The following ATE1 variants were observed in gnomAD, a reference collection of about 807,000 sequenced individuals.
ATE1 encodes the protein arginyl-tRNA--protein transferase 1.
In ATE1, 36 loss-of-function variants were observed where a neutral mutation model predicts 70.5. That is an observed-to-expected ratio of 0.51 (90% CI 0.39 to 0.67). The LOEUF (loss-of-function observed/expected upper bound fraction) is 0.67, where lower values mean the gene tolerates loss of function less well. ATE1 is among the 30% of genes least tolerant of loss of function. The probability of loss-of-function intolerance (pLI) is 0.00; values close to 1 mark genes in which losing one functional copy is unlikely to be tolerated. For missense variants in ATE1, 593 were observed against 629.5 expected (o/e 0.94, Z 0.62); for synonymous variants, 232 against 219.3 (o/e 1.06, Z -0.51).
intron 9 of ATE1, among the ~76,000 whole-genome samples, chr10:121,839,845 C>T (rs763127966): frequency 1.3e-5 from 2 of 152,032 alleles, no homozygotes; most frequent in African/African-American, 2.4e-5. Flanking sequence ...CATTAAATTG[C>T]TGATTTAATG....
chr10:121,892,546 G>A (rs1249258800), intron 7 of ATE1, among the ~76,000 whole-genome samples: 2 of 139,640 alleles, frequency 1.4e-5, no homozygotes, highest in African/African-American at 2.7e-5. Flanking sequence ...TGTCGCCCTC[G>A]CCAAGGTTGG....
chr10:121,791,086 G>GCA (rs1946431195), intron 10 of ATE1, among the ~76,000 whole-genome samples: 1 of 125,574 alleles, frequency 8.0e-6, no homozygotes. Context: ...GTGTGTGTGT[G>GCA]TGTATATATA....
At position 121,741,715 on chromosome 10, in the gene ATE1, T is replaced by C. The variant is rs1409497726; in HGVS notation, c.*1965A>G. The C allele has an allele frequency of 1.3e-5, 2 of 152,228 alleles. No homozygotes were observed. Among genetic ancestry groups the C allele is most frequent in the Admixed American group, 6.5e-5 (1 of 15,286 alleles). 9.4% of individuals were successfully genotyped at this position (152,228 alleles called of 1,614,324 possible). A position where few individuals can be genotyped will look rare whatever the true frequency, so the allele number is the denominator to read the frequency against. On this transcript the variant is annotated 3_prime_UTR_variant, in exon 12 of 12. Transcript: ENST00000224652. Reference sequence around the variant, plus strand: ...ATAATGCAGAGATTACTTACTACACTTTCTGAAGCCTTATTTTGAAATTTA... The same window carrying C: ...ATAATGCAGAGATTACTTACTACACCTTCTGAAGCCTTATTTTGAAATTTA...
chr10:121,809,556 C>T (rs1331856244), intron 10 of ATE1, among the ~76,000 whole-genome samples: 4 of 151,976 alleles, frequency 2.6e-5, no homozygotes, highest in East Asian at 1.9e-4. Flanking sequence ...GCGAGTGCAC[C>T]GCAGCTACTG....
At chr10:121,883,209 TA>T (rs1385490549) in intron 7 of ATE1, among the ~76,000 whole-genome samples, 4 of 152,152 alleles carry the variant, frequency 2.6e-5, no homozygotes, top group African/African-American at 9.7e-5. Flanking sequence ...ACCTTCTGTA[TA>T]ATTTACTGAT....
intron 7 of ATE1, among the ~76,000 whole-genome samples, chr10:121,888,011 G>A (rs1374369591): frequency 1.3e-5 from 2 of 152,136 alleles, no homozygotes; most frequent in Non-Finnish European, 2.9e-5. Flanking sequence ...TGGGAAAGAG[G>A]TTATTCCTCC....
intron 8 of ATE1, among the ~76,000 whole-genome samples, chr10:121,863,960 C>T (rs1200416170): frequency 6.6e-6 from 1 of 152,174 alleles, no homozygotes; most frequent in Admixed American, 6.5e-5. Context: ...TACTTTTAAC[C>T]TATCCATGTC....
At chr10:121,928,294 G>A (rs1952189485), upstream of ATE1, 3 of 1,496,806 alleles carry the variant, frequency 2.0e-6, no homozygotes, top group South Asian at 2.5e-5. Flanking sequence ...CCCCCGCCGA[G>A]GGCCTGTGCG....
chr10:121,881,669 TAAAAAA>T (rs11309013), intron 7 of ATE1, among the ~76,000 whole-genome samples: 1 of 125,604 alleles, frequency 8.0e-6, no homozygotes, highest in African/African-American at 3.0e-5. Context: ...TCCTGTCTCT[TAAAAAA>T]AAAAAAAAAA....
intron 8 of ATE1, among the ~76,000 whole-genome samples, chr10:121,869,623 C>T (rs890681962): frequency 1.3e-5 from 2 of 152,128 alleles, no homozygotes; most frequent in Admixed American, 1.3e-4. Flanking sequence ...CAGCCTTTGC[C>T]TCTGATTTTT....
chr10:121,793,619 G>A (rs1239237140), intron 10 of ATE1, among the ~76,000 whole-genome samples: 30 of 152,088 alleles, frequency 2.0e-4, no homozygotes, highest in Admixed American at 2.0e-3. Flanking sequence ...TATATTTAGA[G>A]GAATTTGCAT....
chr10:121,926,393 A>T (rs1021346735), intron 1 of ATE1, among the ~76,000 whole-genome samples: 1 of 152,130 alleles, frequency 6.6e-6, no homozygotes, highest in Non-Finnish European at 1.5e-5. Context: ...CCTCAATTTC[A>T]TCATCTGTAA....
At position 121,827,209 on chromosome 10, in the gene ATE1, T is replaced by C. The variant is rs528355342; in HGVS notation, c.1257+9509A>G. The stretch of plus-strand genomic sequence containing the variant: ...TTGTACTTTTAGTAGAGACGGGGTT[T>C]CACCATGTTGGCCAGGATGGTCTCA... On this transcript the variant is annotated intron_variant, in intron 10 of 11. Coordinates refer to ENST00000224652, the MANE Select transcript of ATE1 (RefSeq NM_001001976.3). Among the ~76,000 whole-genome samples, 323 of 152,262 alleles carry C rather than the reference T, an allele frequency of 2.1e-3. 2 individuals are homozygous for C. Among genetic ancestry groups the C allele is most frequent in the African/African-American group, 7.5e-3 (313 of 41,558 alleles).
upstream of ATE1, chr10:121,928,291 C>T (rs1952189358): frequency 2.0e-6 from 3 of 1,492,612 alleles, no homozygotes; most frequent in Admixed American, 2.3e-5. Flanking sequence ...TTTCCCCCGC[C>T]GAGGGCCTGT....
At chr10:121,887,426 C>T (rs12268872) in intron 7 of ATE1, among the ~76,000 whole-genome samples, 20,067 of 152,152 alleles carry the variant, frequency 0.13, 1,528 homozygotes, top group East Asian at 0.19. Context: ...AAAAACATTA[C>T]AGGCTGGGCA....
chr10:121,768,860 C>G (rs1414291338), intron 11 of ATE1, among the ~76,000 whole-genome samples: 1 of 151,916 alleles, frequency 6.6e-6, no homozygotes, highest in Non-Finnish European at 1.5e-5. Context: ...AGTTTGTCAA[C>G]TTACATGCTG....
intron 8 of ATE1, among the ~76,000 whole-genome samples, chr10:121,848,073 AAAT>A (rs1175821158): frequency 6.6e-6 from 1 of 152,080 alleles, no homozygotes; most frequent in Non-Finnish European, 1.5e-5. Context: ...TCCATCTAAA[AAAT>A]AATAATAATA....
chr10:121,837,101 T>C (rs1458528900), intron 9 of ATE1, among the ~76,000 whole-genome samples: 1 of 152,234 alleles, frequency 6.6e-6, no homozygotes, highest in African/African-American at 2.4e-5. Context: ...TAAAGAGATC[T>C]ACAGTGTCCT....
At chr10:121,788,098 G>C (rs1290369930) in intron 11 of ATE1, among the ~76,000 whole-genome samples, 4 of 152,166 alleles carry the variant, frequency 2.6e-5, no homozygotes, top group Non-Finnish European at 5.9e-5. Context: ...ATAGGGACTA[G>C]ACTGACTGAC....
Sources: gnomAD v4.1 joint callset for allele counts (sites outside exome capture counted in the v4.1 genomes callset) on GRCh38, gnomAD v4.1.1 for gene constraint, MANE v1.5 for transcripts, NCBI Gene and HGNC (gene_info 2026-07-23, HGNC 2026-07-21) for gene names.